The following IKZF2 variants were observed in gnomAD, a reference collection of about 807,000 sequenced individuals.
IKZF2 encodes IKAROS family zinc finger 2, also known as zinc finger protein Helios.
IKZF2 carries 15 observed loss-of-function variants against 49.2 expected under a neutral mutation model. The ratio of observed to expected loss-of-function variants is 0.30; its 90% confidence interval spans 0.20 to 0.47. The LOEUF (loss-of-function observed/expected upper bound fraction) is 0.47. IKZF2 is among the 20% of genes least tolerant of loss of function. The pLI, the probability that IKZF2 is intolerant of heterozygous loss-of-function variation, is 1.00. For synonymous variants in IKZF2, 227 were observed against 221.4 expected, an observed-to-expected ratio of 1.03 and a Z score of -0.23; for missense variants, 567 against 664.6, an observed-to-expected ratio of 0.85 and a Z score of 1.61.
intron 4 of IKZF2, among the ~76,000 whole-genome samples, chr2:213,067,217 C>G (rs761321207): frequency 6.6e-6 from 1 of 152,074 alleles, no homozygotes; most frequent in South Asian, 2.1e-4. Flanking sequence ...GAACTACTTG[C>G]TTCTTATTAA....
intron 4 of IKZF2, among the ~76,000 whole-genome samples, chr2:213,147,056 A>G (rs971652604): frequency 3.3e-5 from 5 of 152,170 alleles, no homozygotes; most frequent in Non-Finnish European, 7.4e-5. Flanking sequence ...ATCTTATTAC[A>G]TAAAAACAAT....
intron 4 of IKZF2, among the ~76,000 whole-genome samples, chr2:213,061,050 C>T (rs1701630804): frequency 6.6e-6 from 1 of 151,470 alleles, no homozygotes; most frequent in African/African-American, 2.4e-5. Context: ...TTTATAAACA[C>T]TAGAATGTAA....
chr2:213,026,084 T>C (rs1697788108), intron 6 of IKZF2, among the ~76,000 whole-genome samples: 1 of 152,076 alleles, frequency 6.6e-6, no homozygotes, highest in Admixed American at 6.6e-5. Flanking sequence ...TGAAATCCCT[T>C]TACCTGGCAT....
At chr2:213,056,641 T>C (rs1701178924) in intron 5 of IKZF2, 192 bp downstream of exon 5, 1 of 717,428 alleles carries the variant, frequency 1.4e-6, no homozygotes, top group African/African-American at 1.7e-5. Context: ...TCTGATATGC[T>C]ATTCAGATTT....
At chr2:213,110,297 A>T (rs1295752105) in intron 4 of IKZF2, among the ~76,000 whole-genome samples, 1 of 151,908 alleles carries the variant, frequency 6.6e-6, no homozygotes, top group Non-Finnish European at 1.5e-5. Flanking sequence ...CCAGCCCCTC[A>T]TCTGCTCAGC....
intron 4 of IKZF2, among the ~76,000 whole-genome samples, chr2:213,090,218 C>T (rs568646792): frequency 1.2e-4 from 19 of 152,202 alleles, no homozygotes; most frequent in Admixed American, 9.8e-4. Context: ...CCTAGAGGGT[C>T]ACAGGTACAT....
chr2:213,008,223 G>A (rs1695563397), intron 8 of IKZF2, 139 bp from the exon 9 acceptor site: 1 of 1,051,240 alleles, frequency 9.5e-7, no homozygotes, highest in African/African-American at 1.6e-5. Context: ...TACTCTATAA[G>A]TCAAGTATTT....
chr2:213,136,370 C>CAAAAAAAAAAAAAAAAAAAAAAAAAAAAA (rs11325415), intron 4 of IKZF2, among the ~76,000 whole-genome samples: 1 of 53,624 alleles, frequency 1.9e-5, no homozygotes, highest in African/African-American at 7.1e-5. Context: ...GACACTGTCT[C>CAAAAAAAAAAAAAAAAAAAAAAAAAAAAA]AAAAAAAAAA....
chr2:213,146,157 A>T (rs1000139729), intron 4 of IKZF2, among the ~76,000 whole-genome samples: 1 of 152,090 alleles, frequency 6.6e-6, no homozygotes, highest in African/African-American at 2.4e-5. Context: ...AACTAATAGA[A>T]ACTACATATT....
Position 213,007,512 on chromosome 2 carries a change from G to T in IKZF2, c.1429C>A (p.Arg477=), listed in dbSNP as rs758721261. The part of the protein sequence containing the change: ...QIRAFKCEHC[R]VLFLDHVMYT... Reference sequence around the variant, plus strand: ...ATGACATGGTCTAGGAAAAGGACTCGGCAGTGCTCACACTTGAAGGCCCTA... The same window carrying T: ...ATGACATGGTCTAGGAAAAGGACTCTGCAGTGCTCACACTTGAAGGCCCTA... The change falls in exon 9 of 9, where the codon CGA becomes AGA. Residue 477 remains arginine (R), a synonymous_variant. Transcript: ENST00000434687. The T allele has an allele frequency of 6.2e-7, 1 of 1,613,674 alleles. No individual in the cohort carries two copies. Among genetic ancestry groups the T allele is most frequent in the African/African-American group, 1.3e-5 (1 of 74,990 alleles).
At chr2:213,132,598 G>A (rs2060510698) in intron 4 of IKZF2, among the ~76,000 whole-genome samples, 1 of 152,088 alleles carries the variant, frequency 6.6e-6, no homozygotes, top group Non-Finnish European at 1.5e-5. Flanking sequence ...CCATAAGTAT[G>A]GAAATTAATA....
At chr2:213,148,252 G>C (rs954463266) in intron 3 of IKZF2, among the ~76,000 whole-genome samples, 1 of 152,108 alleles carries the variant, frequency 6.6e-6, no homozygotes, top group African/African-American at 2.4e-5. Context: ...TGAAAAATTA[G>C]GTTACAGAGA....
In IKZF2 at chr2:213,148,604, T is replaced by C. The variant is rs1437233218; in HGVS notation, c.26A>G (p.Tyr9Cys). 2.5e-6 allele frequency: 4 copies of C among 1,611,056 alleles called. No homozygotes were observed. In the African/African-American group the frequency reaches 4.0e-5, roughly 16 times the overall value. ...TGAAAACTAATACTTACACGTTATA[T>C]AGCCATCAATAGCCTCTGTTTCCAT... The part of the protein sequence containing the change: METEAIDG[Y>C]ITCDNELSPE... The change falls in exon 3 of 9, where the codon TAT (tyrosine) becomes TGT (cysteine). Residue 9 changes from tyrosine to cysteine, a missense_variant. By Grantham distance (194) the Tyr-to-Cys change is radical. This residue lies in a region of IKZF2 where 156 missense variants were observed against 138.5 expected (regional missense o/e 1.13). Transcript: ENST00000434687.
intron 6 of IKZF2, among the ~76,000 whole-genome samples, chr2:213,048,757 T>C (rs1700405653): frequency 6.6e-6 from 1 of 152,042 alleles, no homozygotes; most frequent in Non-Finnish European, 1.5e-5. Flanking sequence ...TTTAAAAACT[T>C]AGTACAGCCT....
intron 4 of IKZF2, among the ~76,000 whole-genome samples, chr2:213,137,716 G>T (rs2060726589): frequency 6.6e-6 from 1 of 152,030 alleles, no homozygotes; most frequent in Non-Finnish European, 1.5e-5. Context: ...AATATTACTT[G>T]TTAAAATGTG....
intron 4 of IKZF2, among the ~76,000 whole-genome samples, chr2:213,128,713 C>T (rs1282522028): frequency 6.6e-6 from 1 of 151,958 alleles, no homozygotes; most frequent in Admixed American, 6.6e-5. Flanking sequence ...CTGCAACCTC[C>T]ACCCGCCAAG....
chr2:213,012,903 T>C (rs1305761665), intron 8 of IKZF2, among the ~76,000 whole-genome samples: 8 of 152,034 alleles, frequency 5.3e-5, no homozygotes, highest in African/African-American at 1.9e-4. Context: ...ATACAATGAA[T>C]AACAATTCTT....
chr2:213,116,195 A>G (rs774662520), intron 4 of IKZF2, among the ~76,000 whole-genome samples: 28 of 152,226 alleles, frequency 1.8e-4, no homozygotes, highest in Middle Eastern at 3.2e-3. Flanking sequence ...CCACAGAAAG[A>G]ATTACTCTGT....
At position 213,067,391 on chromosome 2, in the gene IKZF2, T is replaced by G. The variant is rs190193850; in HGVS notation, c.140-10292A>C. On this transcript the variant is annotated intron_variant, in intron 4 of 8. Coordinates refer to ENST00000434687, the MANE Select transcript of IKZF2 (RefSeq NM_001387220.1). ...GATATGACTTATATAAAAGAAGAAC[T>G]AGATGGCACTCAAGATAGGGGCAAG... 2.4e-3 allele frequency among the ~76,000 whole-genome samples: 363 copies of G among 152,036 alleles called. 2 individuals carry two copies. The highest frequency in any genetic ancestry group is 7.9e-3 in the African/African-American group (329 of 41,498).
Sources: allele counts gnomAD v4.1 joint callset (sites outside exome capture counted in the v4.1 genomes callset), GRCh38; gene constraint gnomAD v4.1.1; regional missense constraint gnomAD v4.1.1; transcripts MANE v1.5; gene names NCBI Gene and HGNC (gene_info 2026-07-23, HGNC 2026-07-21).